Variants in ARHGAP1 observed in about 807,000 individuals in gnomAD.
The protein encoded by ARHGAP1 is Rho GTPase activating protein 1.
A neutral mutation model predicts 52.2 loss-of-function variants in ARHGAP1; 23 were observed. The observed-to-expected ratio is 0.44, with a 90% confidence interval of 0.32 to 0.62. ARHGAP1 has a LOEUF of 0.62. Among genes scored for constraint, ARHGAP1 ranks in the 20% least tolerant of loss-of-function variants. The pLI is 0.05. For missense variants in ARHGAP1, 480 were observed against 560.9 expected (o/e 0.86, Z 1.46); for synonymous variants, 210 against 228.4 (o/e 0.92, Z 0.73).
In ARHGAP1 at chr11:46,678,854, A is replaced by T; in HGVS notation, c.*183T>A. The stretch of plus-strand genomic sequence containing the variant: ...GCAGTGAGAAGTGTAAGGCAGAGAA[A>T]AACGTCTTCTGGTAACAGCGAGGCC... On this transcript the variant is annotated 3_prime_UTR_variant, in exon 13 of 13. Transcript: ENST00000311956. 1.5e-6 allele frequency: 1 copy of T among 669,404 alleles called. No individual in the cohort carries two copies. Among genetic ancestry groups the T allele is most frequent in the Non-Finnish European group, 2.5e-6 (1 of 400,020 alleles). The allele number at this position is 669,404 out of a possible 1,614,324, so 41.5% of individuals were successfully genotyped here.
rs1169075397 is a variant in ARHGAP1 at position 46,695,486 on chromosome 11, T to C, written c.229+174A>G. 1.9e-5 allele frequency: 14 copies of C among 724,756 alleles called. No homozygotes were observed. The Admixed American group carries it at 2.8e-4, about 15-fold the overall frequency. 44.9% of individuals were successfully genotyped at this position (724,756 alleles called of 1,614,324 possible). A position where few individuals can be genotyped will look rare whatever the true frequency, so the allele number is the denominator to read the frequency against. The stretch of plus-strand genomic sequence containing the variant: ...AGAGTTCAAAGAGCAGAGCTGGAGA[T>C]CAAACCCAGGGCTTTCTGACTTCAA... On this transcript the variant is annotated intron_variant, in intron 3 of 12. Transcript: ENST00000311956.
chr11:46,677,886 G>A lies in ARHGAP1; in HGVS notation c.*1151C>T, dbSNP rs1336263888. ...AATTGCTTGAACCCAGAAGGCGGAGGTGTGCCGAGATCGCGCCACTGCACT... is the reference window on the plus strand; with the variant it reads ...AATTGCTTGAACCCAGAAGGCGGAGATGTGCCGAGATCGCGCCACTGCACT... On this transcript the variant is annotated 3_prime_UTR_variant, in exon 13 of 13. Coordinates refer to ENST00000311956, the MANE Select transcript of ARHGAP1 (RefSeq NM_004308.5). 9.4e-6 allele frequency: 4 copies of A among 424,980 alleles called. No individual in the cohort carries two copies. The highest frequency in any genetic ancestry group is 1.8e-5 in the Non-Finnish European group (4 of 216,262). The allele number at this position is 424,980 out of a possible 1,614,324, so 26.3% of individuals were successfully genotyped here.
chr11:46,698,708 C>A (rs2064676188), intron 1 of ARHGAP1, among the ~76,000 whole-genome samples: 3 of 152,096 alleles, frequency 2.0e-5, no homozygotes, highest in Admixed American at 2.0e-4. Flanking sequence ...CACCTCTTTT[C>A]CAGTGACTGC....
chr11:46,694,244 C>T (rs966847376), intron 3 of ARHGAP1, among the ~76,000 whole-genome samples: 1 of 152,136 alleles, frequency 6.6e-6, no homozygotes, highest in African/African-American at 2.4e-5. Flanking sequence ...CAGCCTCCCC[C>T]ACCCCCATCC....
At chr11:46,685,413 C>T (rs563612451) in intron 4 of ARHGAP1, among the ~76,000 whole-genome samples, 13 of 151,050 alleles carry the variant, frequency 8.6e-5, no homozygotes, top group African/African-American at 2.2e-4. Flanking sequence ...CTGCAACCTC[C>T]GCCTCCTGGG....
At chr11:46,692,034 G>A (rs767742589) in intron 3 of ARHGAP1, among the ~76,000 whole-genome samples, 12 of 152,156 alleles carry the variant, frequency 7.9e-5, no homozygotes, top group Non-Finnish European at 7.4e-5. Flanking sequence ...GCTCCATCCC[G>A]GCAGGTCTGT....
At chr11:46,698,533 AG>A (rs1268830931) in intron 1 of ARHGAP1, among the ~76,000 whole-genome samples, 3 of 150,920 alleles carry the variant, frequency 2.0e-5, no homozygotes, top group Admixed American at 2.0e-4. Flanking sequence ...ACTTGAACCC[AG>A]GGGGTGGAGG....
chr11:46,688,608 A>C (rs1296777719), intron 3 of ARHGAP1, among the ~76,000 whole-genome samples: 8 of 152,002 alleles, frequency 5.3e-5, no homozygotes, highest in Non-Finnish European at 1.0e-4. Flanking sequence ...CAGCCTCCCA[A>C]GTAGCCAGGA....
chr11:46,697,645 T>A (rs2064666127), intron 1 of ARHGAP1: 1 of 152,236 alleles, frequency 6.6e-6, no homozygotes, highest in African/African-American at 2.4e-5. Context: ...GTGGTAACGC[T>A]GTTTCATGCT....
intron 3 of ARHGAP1, among the ~76,000 whole-genome samples, chr11:46,692,898 G>T (rs969657818): frequency 2.0e-5 from 3 of 151,200 alleles, no homozygotes; most frequent in Non-Finnish European, 2.9e-5. Context: ...TGTTGCCCAG[G>T]CTGGAGTGCA....
intron 3 of ARHGAP1, 33 bp from the exon 4 acceptor site, chr11:46,688,293 T>A: frequency 1.3e-6 from 2 of 1,594,856 alleles, no homozygotes; most frequent in South Asian, 1.1e-5. Flanking sequence ...CACAGTGGGT[T>A]GAAGGGGAAC....
At chr11:46,686,216 T>C (rs2064567390) in intron 4 of ARHGAP1, among the ~76,000 whole-genome samples, 1 of 144,352 alleles carries the variant, frequency 6.9e-6, no homozygotes, top group Non-Finnish European at 1.5e-5. Flanking sequence ...GAACTGCTGA[T>C]CTCGTGATCC....
chr11:46,678,794 C>T lies in ARHGAP1; in HGVS notation c.*243G>A. 1.8e-6 allele frequency: 1 copy of T among 545,868 alleles called. No homozygotes were observed. Among genetic ancestry groups the T allele is most frequent in the Non-Finnish European group, 3.2e-6 (1 of 307,766 alleles). 33.8% of individuals were successfully genotyped at this position (545,868 alleles called of 1,614,324 possible). On this transcript the variant is annotated 3_prime_UTR_variant, in exon 13 of 13. Coordinates refer to ENST00000311956, the MANE Select transcript of ARHGAP1 (RefSeq NM_004308.5). ...CCAGCTGGAAGAGCCAAGCCCAGCTCTGGAGAGCCCAGCAAAAGCCCGGTG... is the reference window on the plus strand; with the variant it reads ...CCAGCTGGAAGAGCCAAGCCCAGCTTTGGAGAGCCCAGCAAAAGCCCGGTG...
intron 3 of ARHGAP1, among the ~76,000 whole-genome samples, chr11:46,689,260 CA>C (rs36099802): frequency 6.6e-6 from 1 of 152,104 alleles, no homozygotes; most frequent in Non-Finnish European, 1.5e-5. Context: ...AAGCCAGTCA[CA>C]AAAGGCCACC....
At chr11:46,689,665 C>T (rs924712999) in intron 3 of ARHGAP1, among the ~76,000 whole-genome samples, 2 of 152,040 alleles carry the variant, frequency 1.3e-5, no homozygotes, top group Admixed American at 6.6e-5. Flanking sequence ...CTCAGCTTCC[C>T]GAGTAGCTGG....
chr11:46,693,934 G>C (rs767545158), intron 3 of ARHGAP1, among the ~76,000 whole-genome samples: 24 of 152,130 alleles, frequency 1.6e-4, no homozygotes, highest in Non-Finnish European at 2.6e-4. Context: ...CACACCACTG[G>C]AAAGAACCCA....
chr11:46,682,007 G>T (rs753946664), intron 5 of ARHGAP1, 44 bp downstream of exon 5: 1 of 1,608,378 alleles, frequency 6.2e-7, no homozygotes, highest in South Asian at 1.1e-5. Flanking sequence ...TGGCAGAGCC[G>T]CTGCCTCTGG....
In ARHGAP1 at chr11:46,679,540, G is replaced by C; in HGVS notation, c.1028-72C>G. 6.2e-7 allele frequency: 1 copy of C among 1,605,946 alleles called. No individual in the cohort carries two copies. Among genetic ancestry groups the C allele is most frequent in the Non-Finnish European group, 8.5e-7 (1 of 1,174,138 alleles). ...GTTCAGGACGCTCTGATGCAGGCTA[G>C]AGGGGAGACCCCCAGCAGTCTTCCC... On this transcript the variant is annotated intron_variant, in intron 11 of 12. Transcript: ENST00000311956. The surrounding 1 kb of genome is among the most constrained non-coding windows in gnomAD (Gnocchi z 4.4).
At position 46,681,542 on chromosome 11, in the gene ARHGAP1, T is replaced by C; in HGVS notation, c.450-163A>G. On this transcript the variant is annotated intron_variant, in intron 5 of 12. Coordinates refer to ENST00000311956, the MANE Select transcript of ARHGAP1 (RefSeq NM_004308.5). The surrounding 1 kb of genome is among the most constrained non-coding windows in gnomAD (Gnocchi z 5.7). ...TCCACCTCCCGGATTCAAGCTATTC[T>C]CCTGCCTCAGCCTCCTGAGTAACTA... 1.7e-6 allele frequency: 1 copy of C among 595,018 alleles called. No homozygotes were observed. Among genetic ancestry groups the C allele is most frequent in the Non-Finnish European group, 3.0e-6 (1 of 328,890 alleles). The allele number at this position is 595,018 out of a possible 1,614,324, so 36.9% of individuals were successfully genotyped here. A position where few individuals can be genotyped will look rare whatever the true frequency, so the allele number is the denominator to read the frequency against.
Sources: gnomAD v4.1 joint callset for allele counts (sites outside exome capture counted in the v4.1 genomes callset) on GRCh38, gnomAD v4.1.1 for gene constraint, Gnocchi (gnomAD v3.1) non-coding constraint, MANE v1.5 for transcripts, NCBI Gene and HGNC (gene_info 2026-07-23, HGNC 2026-07-21) for gene names.